The following PALM2AKAP2 variants were observed in gnomAD, a reference collection of about 807,000 sequenced individuals.
PALM2AKAP2 encodes the protein PALM2-AKAP2 fusion protein.
Under a neutral mutation model 71.5 loss-of-function variants are expected in PALM2AKAP2, and 37 were observed. The observed-to-expected ratio is 0.52, with a 90% CI of 0.40 to 0.68. PALM2AKAP2 has a LOEUF of 0.68. PALM2AKAP2 is among the 30% of genes least tolerant of loss of function. PALM2AKAP2 has a pLI of 0.00. For missense variants in PALM2AKAP2, 1,224 were observed against 1,191.8 expected (o/e 1.03, Z -0.40); for synonymous variants, 468 against 478.8 (o/e 0.98, Z 0.29).
At chr9:109,912,848 G>T (rs533105667) in intron 3 of PALM2AKAP2, among the ~76,000 whole-genome samples, 2 of 152,250 alleles carry the variant, frequency 1.3e-5, no homozygotes, top group South Asian at 4.2e-4. Flanking sequence ...CTAATGAAGT[G>T]GTCTCTTCAG....
At chr9:109,978,591 T>A (rs981205670) in intron 6 of PALM2AKAP2, among the ~76,000 whole-genome samples, 1 of 152,180 alleles carries the variant, frequency 6.6e-6, no homozygotes, top group Non-Finnish European at 1.5e-5. Flanking sequence ...TCTTTCTATA[T>A]CCACTCAGGC....
chr9:109,679,235 G>A (rs1827691066), intron 1 of PALM2AKAP2, among the ~76,000 whole-genome samples: 2 of 152,150 alleles, frequency 1.3e-5, no homozygotes, highest in South Asian at 4.1e-4. Context: ...TAGAGGGAAG[G>A]TATTCTCAGA....
At chr9:109,644,077 C>T (rs1349563699) in intron 1 of PALM2AKAP2, among the ~76,000 whole-genome samples, 2 of 152,132 alleles carry the variant, frequency 1.3e-5, no homozygotes, top group Non-Finnish European at 2.9e-5. Context: ...AAGGCCCCAT[C>T]CCCAGGATTC....
At chr9:109,974,382 C>G (rs1832130347) in intron 6 of PALM2AKAP2, among the ~76,000 whole-genome samples, 1 of 152,146 alleles carries the variant, frequency 6.6e-6, no homozygotes, top group Non-Finnish European at 1.5e-5. Context: ...TGAGTCTGAC[C>G]CAAAGCCCTT....
At chr9:109,836,284 T>G (rs566308187) in intron 1 of PALM2AKAP2, among the ~76,000 whole-genome samples, 3 of 152,204 alleles carry the variant, frequency 2.0e-5, no homozygotes, top group Non-Finnish European at 4.4e-5. Context: ...GGAATGGACC[T>G]CCAGCAAACT....
intron 1 of PALM2AKAP2, among the ~76,000 whole-genome samples, chr9:109,663,700 G>T (rs1587858715): frequency 6.6e-6 from 1 of 152,226 alleles, no homozygotes; most frequent in South Asian, 2.1e-4. Context: ...ATGTCTATTA[G>T]GTCTGCTTGT....
chr9:109,982,543 C>T (rs4978868), intron 6 of PALM2AKAP2, among the ~76,000 whole-genome samples: 19,090 of 152,126 alleles, frequency 0.13, 1,552 homozygotes, highest in East Asian at 0.25. Flanking sequence ...GTGATTATTT[C>T]GCATCGTATG....
intron 1 of PALM2AKAP2, among the ~76,000 whole-genome samples, chr9:109,646,255 T>G (rs549543474): frequency 6.6e-6 from 1 of 152,196 alleles, no homozygotes; most frequent in Non-Finnish European, 1.5e-5. Flanking sequence ...ATGAGATCCA[T>G]GTGTTTGTAG....
chr9:109,647,052 A>G (rs17803948), intron 1 of PALM2AKAP2, among the ~76,000 whole-genome samples: 14,734 of 152,188 alleles, frequency 0.097, 852 homozygotes, highest in South Asian at 0.2. Flanking sequence ...GGTGATTACC[A>G]TGAACGCTTG....
intron 3 of PALM2AKAP2, among the ~76,000 whole-genome samples, chr9:109,896,719 G>A (rs1018839333): frequency 6.6e-6 from 1 of 152,038 alleles, no homozygotes; most frequent in Admixed American, 6.5e-5. Flanking sequence ...GCTGAGGCGG[G>A]AGGATCACTT....
intron 3 of PALM2AKAP2, 24 bp downstream of exon 3, chr9:109,880,705 A>T: frequency 6.2e-7 from 1 of 1,611,864 alleles, no homozygotes; most frequent in Non-Finnish European, 8.5e-7. Context: ...AGCCCAGGGA[A>T]CCCATGCTAC....
At chr9:109,993,722 C>T (rs568761446) in intron 6 of PALM2AKAP2, among the ~76,000 whole-genome samples, 1 of 152,008 alleles carries the variant, frequency 6.6e-6, no homozygotes, top group Non-Finnish European at 1.5e-5. Context: ...CCCTCCCCTT[C>T]CTCTCTCCCT....
chr9:110,136,341 A>G (rs1333146149), exon 2 of PALM2AKAP2: 1 of 1,614,142 alleles, frequency 6.2e-7, no homozygotes, highest in Non-Finnish European at 8.5e-7. Flanking sequence ...CCCCCGCATA[A>G]TGGCCTCCTT....
intron 3 of PALM2AKAP2, among the ~76,000 whole-genome samples, chr9:109,906,799 GCAAACACATAAACAGGCAGACAGA>G (rs1251399566): frequency 1.3e-5 from 2 of 152,124 alleles, no homozygotes; most frequent in Non-Finnish European, 2.9e-5. Context: ...CTGACTTAAA[GCAAACACATAAACAGGCAGACAGA>G]CAAACAAGAA....
intron 3 of PALM2AKAP2, among the ~76,000 whole-genome samples, chr9:109,883,613 A>G (rs1054780006): frequency 1.1e-4 from 17 of 152,242 alleles, no homozygotes; most frequent in African/African-American, 4.1e-4. Flanking sequence ...TCCCATGGGA[A>G]GAAAGAGCTG....
chr9:109,646,326 A>T (rs781743605), intron 1 of PALM2AKAP2, among the ~76,000 whole-genome samples: 7 of 152,238 alleles, frequency 4.6e-5, no homozygotes, highest in Non-Finnish European at 1.0e-4. Flanking sequence ...TTTGCCTCAC[A>T]CTTCTCTGGA....
At chr9:109,670,190 T>G (rs1042544347) in intron 1 of PALM2AKAP2, among the ~76,000 whole-genome samples, 1 of 152,136 alleles carries the variant, frequency 6.6e-6, no homozygotes, top group Non-Finnish European at 1.5e-5. Context: ...TCATGGGAGT[T>G]TGTTGTACAG....
intron 1 of PALM2AKAP2, among the ~76,000 whole-genome samples, chr9:110,076,513 G>GTATATATTCTACATATATATATA (rs1834328465): frequency 1.3e-5 from 1 of 76,714 alleles, no homozygotes; most frequent in African/African-American, 8.1e-5. Context: ...ATATATATAG[G>GTATATATTCTACATATATATATA]TATATATACC....
At chr9:110,156,595 TGGTCAGCATTAG>T in intron 3 of PALM2AKAP2, 98 bp downstream of exon 9, 1 of 1,405,772 alleles carries the variant, frequency 7.1e-7, no homozygotes, top group Non-Finnish European at 9.4e-7. Flanking sequence ...TGTCGTTGTC[TGGTCAGCATTAG>T]GGTTCCAGTA....
Sources: gnomAD v4.1 joint callset for allele counts (sites outside exome capture counted in the v4.1 genomes callset) on GRCh38, gnomAD v4.1.1 for gene constraint, MANE v1.5 for transcripts, NCBI Gene and HGNC (gene_info 2026-07-23, HGNC 2026-07-21) for gene names.